ERG: variants seen among roughly 807,000 people sequenced by gnomAD.
ERG encodes the protein ETS transcription factor ERG.
Under a neutral mutation model 55.3 loss-of-function variants are expected in ERG, and 9 were observed. The ratio of observed to expected loss-of-function variants is 0.16; its 90% CI spans 0.10 to 0.28. The LOEUF (loss-of-function observed/expected upper bound fraction) is 0.28, where lower values mean the gene tolerates loss of function less well. Ranked by LOEUF, ERG falls within the 10% of genes least tolerant of loss-of-function variation. The probability of loss-of-function intolerance (pLI) is 1.00; values close to 1 mark genes in which losing one functional copy is unlikely to be tolerated. For synonymous variants in ERG, 223 were observed against 237.3 expected, an observed-to-expected ratio of 0.94 and a Z score of 0.55; for missense variants, 434 against 631.6, an observed-to-expected ratio of 0.69 and a Z score of 3.35.
chr21:38,499,346 CAGGTCTGTT>C (rs2059404015), upstream of ERG, among the ~76,000 whole-genome samples: 1 of 152,196 alleles, frequency 6.6e-6, no homozygotes, highest in South Asian at 2.1e-4. Flanking sequence ...TTCAGGGTCA[CAGGTCTGTT>C]TTCTCCTCGA....
intron 2 of ERG, among the ~76,000 whole-genome samples, chr21:38,438,238 C>A (rs1454894927): frequency 6.6e-6 from 1 of 152,168 alleles, no homozygotes; most frequent in African/African-American, 2.4e-5. Flanking sequence ...AGCTGCCATC[C>A]GCTTCACGTC....
At chr21:38,513,371 A>G (rs2059529094) in intron 2 of ERG, among the ~76,000 whole-genome samples, 2 of 152,174 alleles carry the variant, frequency 1.3e-5, no homozygotes, top group Admixed American at 6.5e-5. Flanking sequence ...TGTAGGGGAA[A>G]TTGGGTAAAG....
intron 2 of ERG, among the ~76,000 whole-genome samples, chr21:38,526,545 T>C (rs545471246): frequency 6.6e-6 from 1 of 152,286 alleles, no homozygotes; most frequent in South Asian, 2.1e-4. Flanking sequence ...GTGAGTAAGA[T>C]GTCTTTAATT....
intron 1 of ERG, chr21:38,470,850 G>A (rs1056299065): frequency 6.6e-6 from 1 of 152,214 alleles, no homozygotes; most frequent in Non-Finnish European, 1.5e-5. Flanking sequence ...TGAGTTGAAA[G>A]CAGATACTAA....
chr21:38,593,205 C>G (rs186765432), intron 1 of ERG, among the ~76,000 whole-genome samples: 1,599 of 152,192 alleles, frequency 0.011, 16 homozygotes, highest in Non-Finnish European at 0.016. Flanking sequence ...CTGCCTGGGG[C>G]CCCCCTGTAA....
At chr21:38,433,955 C>A (rs1463026701) in intron 2 of ERG, among the ~76,000 whole-genome samples, 3 of 152,112 alleles carry the variant, frequency 2.0e-5, no homozygotes, top group Non-Finnish European at 2.9e-5. Flanking sequence ...ACTTTCCAAC[C>A]CCTTGTTCTC....
At chr21:38,600,567 A>T (rs1240642736) in intron 1 of ERG, among the ~76,000 whole-genome samples, 1 of 152,192 alleles carries the variant, frequency 6.6e-6, no homozygotes, top group East Asian at 1.9e-4. Context: ...GTAGAATCCA[A>T]CATCACATGG....
intron 1 of ERG, among the ~76,000 whole-genome samples, chr21:38,604,111 G>A (rs1195532062): frequency 1.3e-5 from 2 of 151,922 alleles, no homozygotes; most frequent in Non-Finnish European, 2.9e-5. Flanking sequence ...AAATTAGCTG[G>A]GCATGGTAGC....
intron 1 of ERG, among the ~76,000 whole-genome samples, chr21:38,644,501 C>T (rs982398335): frequency 1.3e-5 from 2 of 152,164 alleles, no homozygotes; most frequent in Non-Finnish European, 2.9e-5. Context: ...TCTGTAGAAA[C>T]ACCTTATAAG....
the ERG span, among the ~76,000 whole-genome samples, chr21:38,368,898 A>G: frequency 6.6e-6 from 1 of 152,134 alleles, no homozygotes; most frequent in Non-Finnish European, 1.5e-5. Context: ...TGAGTCTGTG[A>G]AGGATAATGA....
intron 2 of ERG, among the ~76,000 whole-genome samples, chr21:38,547,455 G>T: frequency 6.6e-6 from 1 of 152,056 alleles, no homozygotes; most frequent in East Asian, 1.9e-4. Context: ...AAGACAAGAG[G>T]GAACGCTGCC....
At chr21:38,531,410 C>A (rs2059671252) in intron 2 of ERG, among the ~76,000 whole-genome samples, 1 of 152,114 alleles carries the variant, frequency 6.6e-6, no homozygotes, top group African/African-American at 2.4e-5. Flanking sequence ...CTAAAATCAC[C>A]ATTTACAGTG....
intron 1 of ERG, among the ~76,000 whole-genome samples, chr21:38,487,207 T>C (rs1422075622): frequency 1.3e-5 from 2 of 151,834 alleles, no homozygotes; most frequent in African/African-American, 2.4e-5. Context: ...TCTCAAATTT[T>C]ATTATTCTTT....
At chr21:38,492,311 G>A (rs575424262) in intron 1 of ERG, among the ~76,000 whole-genome samples, 7 of 152,172 alleles carry the variant, frequency 4.6e-5, no homozygotes, top group Admixed American at 2.0e-4. Flanking sequence ...GATGATGTTA[G>A]TTTGGATTAT....
At chr21:38,590,240 T>A (rs1264600075) in intron 1 of ERG, among the ~76,000 whole-genome samples, 1 of 152,102 alleles carries the variant, frequency 6.6e-6, no homozygotes, top group African/African-American at 2.4e-5. Context: ...AGTGGAGGCA[T>A]AATGTGGTGA....
At chr21:38,425,346 T>C (rs1038648430) in intron 2 of ERG, among the ~76,000 whole-genome samples, 1 of 150,376 alleles carries the variant, frequency 6.6e-6, no homozygotes, top group Non-Finnish European at 1.5e-5. Flanking sequence ...GATGGCGCCA[T>C]TGCACTCCAG....
intron 2 of ERG, among the ~76,000 whole-genome samples, chr21:38,427,193 GC>G (rs1166175022): frequency 6.6e-6 from 1 of 152,090 alleles, no homozygotes; most frequent in Non-Finnish European, 1.5e-5. Context: ...GACCAGCCTG[GC>G]CTCCCAAGTA....
chr21:38,607,648 A>G (rs919889571), intron 1 of ERG, among the ~76,000 whole-genome samples: 3 of 152,204 alleles, frequency 2.0e-5, no homozygotes, highest in Non-Finnish European at 4.4e-5. Context: ...CAAAAAAAAA[A>G]TACAAAGGTA....
At position 38,488,797 on chromosome 21, in the gene ERG, A is replaced by G. The variant is rs1022415624; in HGVS notation, c.18+9566T>C. On this transcript the variant is annotated intron_variant, in intron 1 of 9. Transcript: ENST00000288319. ...TGCATCATTTTCCATGATTCAAAGGAGACAGAGGTGCCTACGGGGCATGTT... is the reference window on the plus strand; with the variant it reads ...TGCATCATTTTCCATGATTCAAAGGGGACAGAGGTGCCTACGGGGCATGTT... Among the ~76,000 whole-genome samples the G allele has an allele frequency of 3.9e-5, 6 of 152,380 alleles. No individual in the cohort carries two copies. In the South Asian group the frequency reaches 1.2e-3, roughly 32 times the overall value.
Sources: gnomAD v4.1 joint callset for allele counts (sites outside exome capture counted in the v4.1 genomes callset) on GRCh38, gnomAD v4.1.1 for gene constraint, MANE v1.5 for transcripts, NCBI Gene and HGNC (gene_info 2026-07-23, HGNC 2026-07-21) for gene names.